The following CPNE5 variants were observed in gnomAD, a reference collection of about 807,000 sequenced individuals.
CPNE5 encodes the protein copine-5.
A neutral mutation model predicts 81.1 loss-of-function variants in CPNE5; 42 were observed. The observed-to-expected ratio is 0.52, with a 90% CI of 0.40 to 0.67. The LOEUF is 0.67. CPNE5 is among the 30% of genes least tolerant of loss of function. The pLI is 0.00. For synonymous variants in CPNE5, 313 were observed against 321.5 expected, an observed-to-expected ratio of 0.97 and a Z score of 0.28; for missense variants, 612 against 815.5, an observed-to-expected ratio of 0.75 and a Z score of 3.04.
intron 3 of CPNE5, among the ~76,000 whole-genome samples, chr6:36,806,541 T>G (rs1770608423): frequency 6.6e-6 from 1 of 152,204 alleles, no homozygotes; most frequent in African/African-American, 2.4e-5. Context: ...CCCCAGGTGA[T>G]GCTCTATCCC....
At chr6:36,748,093 A>T in intron 15 of CPNE5, 128 bp downstream of exon 15, 1 of 851,802 alleles carries the variant, frequency 1.2e-6, no homozygotes, top group Non-Finnish European at 2.0e-6. Context: ...CTCCAGACCT[A>T]GGTACATCCT....
chr6:36,767,899 G>A (rs977519296), intron 10 of CPNE5, among the ~76,000 whole-genome samples: 6 of 152,218 alleles, frequency 3.9e-5, no homozygotes, highest in Admixed American at 2.6e-4. Context: ...CCCCCAAGAA[G>A]CTTTAGAAAT....
intron 6 of CPNE5, among the ~76,000 whole-genome samples, chr6:36,795,201 CAG>C (rs1231749733): frequency 1.3e-5 from 2 of 151,514 alleles, no homozygotes; most frequent in African/African-American, 4.8e-5. Flanking sequence ...ATTTTTGAAA[CAG>C]AGTCTCGCTC....
intron 3 of CPNE5, among the ~76,000 whole-genome samples, chr6:36,805,319 G>A (rs911545913): frequency 1.1e-4 from 16 of 152,338 alleles, no homozygotes; most frequent in African/African-American, 3.6e-4. Flanking sequence ...AATACAGAGC[G>A]CAGCCAGCCC....
intron 1 of CPNE5, chr6:36,838,792 T>C (rs1382152316): frequency 3.1e-6 from 3 of 977,038 alleles, no homozygotes; most frequent in Non-Finnish European, 3.6e-6. Flanking sequence ...TCTAGGACAG[T>C]GGGGTGGGGG....
chr6:36,804,049 C>A (rs950240443), intron 3 of CPNE5, among the ~76,000 whole-genome samples: 8 of 152,184 alleles, frequency 5.3e-5, no homozygotes, highest in Non-Finnish European at 1.2e-4. Flanking sequence ...TCATTCAATT[C>A]TCACAAAAAT....
chr6:36,798,534 C>G (rs750062088), intron 4 of CPNE5, 40 bp from the exon 5 acceptor site: 3 of 1,601,790 alleles, frequency 1.9e-6, no homozygotes, highest in Non-Finnish European at 2.6e-6. Context: ...CAGCTGCGGA[C>G]GTTCTGCCCA....
intron 1 of CPNE5, among the ~76,000 whole-genome samples, chr6:36,832,579 T>C (rs1016522712): frequency 6.6e-6 from 1 of 152,218 alleles, no homozygotes. Flanking sequence ...GGCCTACTGC[T>C]AAGATGATAG....
intron 9 of CPNE5, among the ~76,000 whole-genome samples, chr6:36,777,380 C>T (rs931096331): frequency 1.3e-5 from 2 of 152,044 alleles, no homozygotes; most frequent in South Asian, 2.1e-4. Flanking sequence ...TCCTACACAG[C>T]GCTCTGCTAG....
intron 10 of CPNE5, among the ~76,000 whole-genome samples, chr6:36,767,864 T>A (rs1165264583): frequency 6.6e-6 from 1 of 152,246 alleles, no homozygotes; most frequent in African/African-American, 2.4e-5. Flanking sequence ...GCACTAGTTT[T>A]CAAACTTGGT....
chr6:36,750,125 G>C (rs957778338), intron 14 of CPNE5, among the ~76,000 whole-genome samples: 1 of 152,226 alleles, frequency 6.6e-6, no homozygotes, highest in Non-Finnish European at 1.5e-5. Flanking sequence ...ATGAGGACAC[G>C]AGGCTGGGAT....
chr6:36,761,879 G>A, intron 12 of CPNE5, among the ~76,000 whole-genome samples: 1 of 152,140 alleles, frequency 6.6e-6, no homozygotes. Flanking sequence ...AGAAAGCACG[G>A]GGACAAGAGT....
intron 8 of CPNE5, 59 bp downstream of exon 8, chr6:36,791,974 C>G: frequency 6.8e-7 from 1 of 1,461,404 alleles, no homozygotes; most frequent in Non-Finnish European, 9.6e-7. Flanking sequence ...GGGAGGCCAG[C>G]CTGCACTCCA....
At chr6:36,837,368 C>A (rs1773612033) in intron 1 of CPNE5, among the ~76,000 whole-genome samples, 1 of 152,206 alleles carries the variant, frequency 6.6e-6, no homozygotes, top group Admixed American at 6.5e-5. Context: ...AGTGGTGAAG[C>A]AGAGATTCTG....
intron 1 of CPNE5, among the ~76,000 whole-genome samples, 170 bp from the exon 2 acceptor site, chr6:36,823,268 T>C (rs536987588): frequency 4.6e-5 from 7 of 152,152 alleles, no homozygotes; most frequent in Non-Finnish European, 1.0e-4. Context: ...GGGCAGGCCC[T>C]GGAGGTTCCT....
chr6:36,745,025 C>T lies in CPNE5; in HGVS notation c.1431+23G>A, dbSNP rs776131015. Reference sequence around the variant, plus strand: ...GGAAGACACTCCTCAAACCGCCTCCCCCACCGCACACTCCTTGCTTACGTT... The same window carrying T: ...GGAAGACACTCCTCAAACCGCCTCCTCCACCGCACACTCCTTGCTTACGTT... On this transcript the variant is annotated intron_variant, in intron 18 of 20. Coordinates refer to ENST00000244751, the MANE Select transcript of CPNE5 (RefSeq NM_020939.2). 87 of 1,561,070 alleles carry T rather than the reference C, an allele frequency of 5.6e-5. 1 individual carries two copies. The East Asian group carries it at 1.8e-3, about 33-fold the overall frequency.
At chr6:36,803,912 G>T (rs1348715101) in intron 3 of CPNE5, among the ~76,000 whole-genome samples, 4 of 152,188 alleles carry the variant, frequency 2.6e-5, no homozygotes, top group Admixed American at 2.6e-4. Flanking sequence ...TTCCCTAGGT[G>T]ATCGTAATGT....
In CPNE5 at chr6:36,800,084, T is replaced by C. The variant is rs73416227; in HGVS notation, c.184-14A>G. The C allele has an allele frequency of 4.0e-3, 6,448 of 1,604,572 alleles. 211 individuals are homozygous for C. The African/African-American group carries it at 0.071, about 18-fold the overall frequency. ...GGTGCGCCCAAACTGCAAGAGAAGA[T>C]GGAGGGTGAACCTCAGGGCCGGGCT... On this transcript the variant is annotated splice_polypyrimidine_tract_variant and intron_variant, in intron 3 of 20. Transcript: ENST00000244751.
intron 8 of CPNE5, among the ~76,000 whole-genome samples, chr6:36,783,085 A>C (rs954078693): frequency 8.5e-5 from 13 of 152,294 alleles, no homozygotes; most frequent in African/African-American, 3.1e-4. Flanking sequence ...ACACTTGCAG[A>C]GTGCCACCTC....
Sources: gnomAD v4.1 joint callset for allele counts (sites outside exome capture counted in the v4.1 genomes callset) on GRCh38, gnomAD v4.1.1 for gene constraint, MANE v1.5 for transcripts, NCBI Gene and HGNC (gene_info 2026-07-23, HGNC 2026-07-21) for gene names.